The following PLD1 variants were observed in gnomAD, a reference collection of about 807,000 sequenced individuals.
PLD1 encodes the protein choline phosphatase 1.
PLD1 carries 112 observed loss-of-function variants against 137.1 expected under a neutral mutation model. The observed-to-expected ratio is 0.82, with a 90% confidence interval of 0.70 to 0.96. The LOEUF is 0.96. Among genes scored for constraint, PLD1 ranks in the 40% least tolerant of loss-of-function variants. PLD1 has a pLI of 0.00. For missense variants in PLD1, 1,321 were observed against 1,342.0 expected (o/e 0.98, Z 0.24); for synonymous variants, 431 against 454.7 (o/e 0.95, Z 0.66).
At chr3:171,633,461 T>G (rs1176771676) in intron 23 of PLD1, among the ~76,000 whole-genome samples, 1 of 152,044 alleles carries the variant, frequency 6.6e-6, no homozygotes, top group Admixed American at 6.6e-5. Context: ...CATTGGTGTG[T>G]GCATCACACA....
chr3:171,716,277 T>G (rs1459687647), intron 8 of PLD1, among the ~76,000 whole-genome samples: 3 of 152,240 alleles, frequency 2.0e-5, no homozygotes, highest in African/African-American at 7.2e-5. Context: ...CTGGGTTAAA[T>G]GGTAATACTG....
rs749882128 is a variant in PLD1, at chr3:171,677,602, A to G, written c.1960T>C (p.Phe654Leu). The part of the protein sequence containing the change: ...WHGKDYCNFV[F>L]KDWVQLDKPF... ...TTATCAAGTTGAACCCAGTCTTTGA[A>G]GACGAAATTGCAGTAGTCCTTTCCA... The change falls in exon 17 of 27, where the codon TTC becomes CTC. Residue 654 changes from phenylalanine to leucine, a missense_variant. By Grantham distance (22) the Phe-to-Leu change is conservative. Transcript: ENST00000351298. The G allele has an allele frequency of 3.7e-6, 6 of 1,613,994 alleles. No homozygotes were observed. In the South Asian group the frequency reaches 6.6e-5, roughly 18 times the overall value.
chr3:171,652,481 A>G (rs1331706926), intron 21 of PLD1, among the ~76,000 whole-genome samples: 2 of 152,026 alleles, frequency 1.3e-5, no homozygotes, highest in Non-Finnish European at 2.9e-5. Flanking sequence ...AACAAGCCCA[A>G]CATGTCTTTT....
At chr3:171,725,688 G>C (rs1357191044) in intron 7 of PLD1, among the ~76,000 whole-genome samples, 3 of 152,138 alleles carry the variant, frequency 2.0e-5, no homozygotes, top group African/African-American at 7.2e-5. Context: ...AACTTTATAA[G>C]GGATTGTAAA....
At chr3:171,725,527 A>G (rs1297834556) in intron 7 of PLD1, among the ~76,000 whole-genome samples, 1 of 152,228 alleles carries the variant, frequency 6.6e-6, no homozygotes, top group African/African-American at 2.4e-5. Flanking sequence ...ACAACTACTA[A>G]CAATGCTCTT....
intron 1 of PLD1, among the ~76,000 whole-genome samples, chr3:171,810,144 C>G (rs1019191433): frequency 6.6e-6 from 1 of 152,240 alleles, no homozygotes; most frequent in African/African-American, 2.4e-5. Context: ...GCGCTCCAGG[C>G]AGCCGCCCGC....
intron 1 of PLD1, among the ~76,000 whole-genome samples, chr3:171,748,215 C>G (rs991766777): frequency 6.6e-6 from 1 of 152,172 alleles, no homozygotes; most frequent in African/African-American, 2.4e-5. Flanking sequence ...GAGGATTACT[C>G]CTGACTTCAA....
At chr3:171,632,716 A>G (rs1734775311) in intron 23 of PLD1, among the ~76,000 whole-genome samples, 1 of 152,226 alleles carries the variant, frequency 6.6e-6, no homozygotes, top group Non-Finnish European at 1.5e-5. Context: ...GCAGTCCTGG[A>G]AGCTGTTCTA....
Position 171,677,777 on chromosome 3 carries a change from C to T in PLD1, c.1868-83G>A, listed in dbSNP as rs1195384822. ...AGGCTCAACTCTCATTTATTAAACACCTAAAAGCTTCTTAATTTCTTAAGA... is the reference window on the plus strand; with the variant it reads ...AGGCTCAACTCTCATTTATTAAACATCTAAAAGCTTCTTAATTTCTTAAGA... On this transcript the variant is annotated intron_variant, in intron 16 of 26. Transcript: ENST00000351298. The T allele has an allele frequency of 9.0e-6, 12 of 1,335,352 alleles. No homozygotes were observed. In the East Asian group the frequency reaches 2.6e-4, roughly 29 times the overall value. The allele number at this position is 1,335,352 out of a possible 1,614,324, so 82.7% of individuals were successfully genotyped here.
intron 1 of PLD1, among the ~76,000 whole-genome samples, chr3:171,743,926 G>A (rs1719955691): frequency 1.3e-5 from 2 of 152,206 alleles, no homozygotes; most frequent in African/African-American, 4.8e-5. Flanking sequence ...TGTCCATAGA[G>A]AAAGCTGTCA....
chr3:171,611,363 T>C (rs1028922172), intron 25 of PLD1: 2 of 216,574 alleles, frequency 9.2e-6, no homozygotes, highest in Admixed American at 9.6e-5. Flanking sequence ...TAAGAAGCCA[T>C]TGGACAGTAG....
At chr3:171,797,954 A>G (rs1279430703) in intron 1 of PLD1, among the ~76,000 whole-genome samples, 6 of 152,032 alleles carry the variant, frequency 3.9e-5, no homozygotes, top group Admixed American at 2.6e-4. Flanking sequence ...TTTCAAACTC[A>G]TTTTCCATTT....
At chr3:171,743,567 C>T (rs760082813) in intron 1 of PLD1, among the ~76,000 whole-genome samples, 2 of 152,226 alleles carry the variant, frequency 1.3e-5, no homozygotes, top group Non-Finnish European at 2.9e-5. Flanking sequence ...ATCCCCATAG[C>T]GCTCTCCACT....
At chr3:171,792,614 T>C (rs1723260923) in intron 1 of PLD1, 1 of 456,622 alleles carries the variant, frequency 2.2e-6, no homozygotes, top group Non-Finnish European at 4.4e-6. Flanking sequence ...ATGGAGCAAG[T>C]AGCTGCAGGA....
At chr3:171,662,037 G>A (rs1306536209) in intron 20 of PLD1, 23 bp downstream of exon 20, 14 of 1,379,550 alleles carry the variant, frequency 1.0e-5, no homozygotes, top group Middle Eastern at 1.8e-4. Context: ...TTTCTCACAC[G>A]AATTTACATG....
At chr3:171,675,576 G>A (rs1713263908) in intron 18 of PLD1, among the ~76,000 whole-genome samples, 1 of 152,068 alleles carries the variant, frequency 6.6e-6, no homozygotes, top group African/African-American at 2.4e-5. Context: ...CTAACTACAG[G>A]TATCAGCAGA....
intron 21 of PLD1, among the ~76,000 whole-genome samples, chr3:171,650,047 C>G (rs1270588507): frequency 6.6e-6 from 1 of 152,196 alleles, no homozygotes; most frequent in Non-Finnish European, 1.5e-5. Flanking sequence ...ACTTCCCCCA[C>G]TCTGTGACCG....
In PLD1 at chr3:171,637,360, C is replaced by T. The variant is rs56202900; in HGVS notation, c.2593+5480G>A. ...AAGCGATTCTCGTGCCTCAGCCTCC[C>T]GAGTAGCTGGGACTACAGGTGCATG... is the stretch of plus-strand genomic sequence containing the variant. On this transcript the variant is annotated intron_variant, in intron 23 of 26. Coordinates refer to ENST00000351298, the MANE Select transcript of PLD1 (RefSeq NM_002662.5). Among the ~76,000 whole-genome samples, 83 of 152,224 alleles carry T rather than the reference C, an allele frequency of 5.5e-4. 1 individual carries two copies. The highest frequency in any genetic ancestry group is 1.0e-3 in the Non-Finnish European group (68 of 68,016).
intron 19 of PLD1, among the ~76,000 whole-genome samples, chr3:171,672,675 G>A (rs998211910): frequency 3.3e-5 from 5 of 151,766 alleles, no homozygotes; most frequent in African/African-American, 1.2e-4. Flanking sequence ...ACTTTTTGTA[G>A]AGATGGGGTC....
Sources: allele counts gnomAD v4.1 joint callset (sites outside exome capture counted in the v4.1 genomes callset), GRCh38; gene constraint gnomAD v4.1.1; transcripts MANE v1.5; gene names NCBI Gene and HGNC (gene_info 2026-07-23, HGNC 2026-07-21).